Variants in NRP1 observed in about 807,000 individuals in gnomAD.
NRP1 encodes neuropilin-1.
Under a neutral mutation model 106.7 loss-of-function variants are expected in NRP1, and 35 were observed. The observed-to-expected ratio is 0.33, with a 90% CI of 0.25 to 0.43. The LOEUF is 0.43. NRP1 is among the 20% of genes least tolerant of loss of function. The pLI is 1.00. For missense variants in NRP1, 1,024 were observed against 1,170.4 expected (o/e 0.87, Z 1.83); for synonymous variants, 437 against 417.9 (o/e 1.05, Z -0.56).
intron 11 of NRP1, chr10:33,201,856 C>A (rs1044387304): frequency 1.8e-4 from 28 of 152,048 alleles, no homozygotes; most frequent in African/African-American, 6.3e-4. Flanking sequence ...GAGTGCAGAG[C>A]CCTCTCACTC....
chr10:33,295,151 T>A (rs1845295186), intron 2 of NRP1, among the ~76,000 whole-genome samples: 1 of 152,182 alleles, frequency 6.6e-6, no homozygotes, highest in Admixed American at 6.5e-5. Flanking sequence ...ATGTTTGTGT[T>A]GATGATTGAA....
At chr10:33,235,877 T>A (rs1251588803) in intron 6 of NRP1, among the ~76,000 whole-genome samples, 1 of 152,254 alleles carries the variant, frequency 6.6e-6, no homozygotes, top group African/African-American at 2.4e-5. Flanking sequence ...TACGCCGACC[T>A]GTGAAATCTT....
chr10:33,183,272 C>T (rs1835800738), intron 15 of NRP1, among the ~76,000 whole-genome samples: 3 of 151,376 alleles, frequency 2.0e-5, no homozygotes, highest in African/African-American at 4.9e-5. Flanking sequence ...TGCCACTGCA[C>T]TCCACCCTGG....
chr10:33,196,457 G>T (rs983671508), intron 12 of NRP1, among the ~76,000 whole-genome samples: 1 of 152,206 alleles, frequency 6.6e-6, no homozygotes, highest in Non-Finnish European at 1.5e-5. Flanking sequence ...GAAAAGGAAA[G>T]GCACGGCTTT....
Position 33,180,309 on chromosome 10 carries a change from G to C in NRP1, c.2539C>G (p.Pro847Ala), listed in dbSNP as rs568761627. ...GEGDKNISRK[P>A]GNVLKTLDPI... is the part of the protein sequence containing the mutation. Reference sequence around the variant, plus strand: ...TCTAAGGTCTTCAACACATTGCCTGGCTTCCTGGAGATGTTCTTGTCACCT... The same window carrying C: ...TCTAAGGTCTTCAACACATTGCCTGCCTTCCTGGAGATGTTCTTGTCACCT... The change falls in exon 17 of 17, where the codon CCA becomes GCA. Residue 847 changes from proline to alanine, a missense_variant. Coordinates refer to ENST00000374867, the MANE Select transcript of NRP1 (RefSeq NM_003873.7). The C allele has an allele frequency of 9.3e-6, 15 of 1,607,740 alleles. No individual in the cohort carries two copies. Among genetic ancestry groups the C allele is most frequent in the Non-Finnish European group, 1.1e-5 (13 of 1,175,038 alleles).
chr10:33,237,074 A>T (rs555556991), intron 6 of NRP1, among the ~76,000 whole-genome samples: 1 of 152,070 alleles, frequency 6.6e-6, no homozygotes, highest in South Asian at 2.1e-4. Flanking sequence ...GTCTGCTCAC[A>T]CAGCTGCATC....
intron 16 of NRP1, 103 bp downstream of exon 16, chr10:33,182,591 TGAAC>T: frequency 1.3e-6 from 1 of 774,284 alleles, no homozygotes; most frequent in Admixed American, 2.3e-5. Context: ...GTTTTTTATT[TGAAC>T]TTTTTGACAT....
At chr10:33,190,838 T>A (rs2132622177) in intron 13 of NRP1, among the ~76,000 whole-genome samples, 1 of 152,106 alleles carries the variant, frequency 6.6e-6, no homozygotes, top group East Asian at 1.9e-4. Context: ...GGCTGGTTAT[T>A]TCTTTATTTT....
At chr10:33,330,991 A>C in intron 1 of NRP1, 109 bp from the exon 2 acceptor site, 2 of 932,892 alleles carry the variant, frequency 2.1e-6, no homozygotes, top group Non-Finnish European at 3.2e-6. Flanking sequence ...TTTAAGGGGA[A>C]CTCTAAAAGG....
intron 2 of NRP1, among the ~76,000 whole-genome samples, chr10:33,281,414 G>A (rs1844122671): frequency 6.6e-6 from 1 of 152,040 alleles, no homozygotes; most frequent in African/African-American, 2.4e-5. Flanking sequence ...AGAGAAGGTT[G>A]AGGCCATAAG....
At position 33,254,059 on chromosome 10, in the gene NRP1, G is replaced by A; in HGVS notation, c.950C>T (p.Pro317Leu). The A allele has an allele frequency of 6.2e-7, 1 of 1,612,750 alleles. No individual in the cohort carries two copies. ...RLNYPENGWT[P>L]GEDSYREWIQ... ...CCACTCTCGGTAGGAATCCTCTCCG[G>A]GAGTCCACCCATTCTCAGGGTAGTT... Residue 317 changes from proline to leucine, a missense_variant, in exon 6 of 17, where the codon CCC (proline) becomes CTC (leucine). Pro to Leu is a moderately conservative substitution (Grantham distance 98, BLOSUM62 -3). Coordinates refer to ENST00000374867, the MANE Select transcript of NRP1 (RefSeq NM_003873.7).
chr10:33,192,488 A>G, intron 12 of NRP1, 70 bp from the exon 13 acceptor site: 1 of 1,545,388 alleles, frequency 6.5e-7, no homozygotes. Flanking sequence ...AGGGTCACAA[A>G]GGCCCTTGGT....
intron 6 of NRP1, among the ~76,000 whole-genome samples, chr10:33,230,064 C>A (rs1318577626): frequency 6.8e-6 from 1 of 148,092 alleles, no homozygotes; most frequent in Non-Finnish European, 1.5e-5. Context: ...GTACCCAGAA[C>A]TCTAACAACA....
At chr10:33,202,451 G>T in intron 11 of NRP1, 1 of 648,250 alleles carries the variant, frequency 1.5e-6, no homozygotes, top group Non-Finnish European at 2.4e-6. Context: ...TCAAATATAA[G>T]CCTAACTTTA....
chr10:33,185,248 C>T (rs574909198), intron 15 of NRP1, among the ~76,000 whole-genome samples: 1 of 152,104 alleles, frequency 6.6e-6, no homozygotes, highest in Non-Finnish European at 1.5e-5. Context: ...TTTTCAGAGG[C>T]CTGCTGTTTT....
At chr10:33,248,040 C>A (rs1203988616) in intron 6 of NRP1, among the ~76,000 whole-genome samples, 1 of 152,184 alleles carries the variant, frequency 6.6e-6, no homozygotes, top group Non-Finnish European at 1.5e-5. Flanking sequence ...GTAATCCCAG[C>A]ACTTTGGGAG....
chr10:33,205,927 T>C (rs2284942), intron 10 of NRP1: 52,297 of 205,292 alleles, frequency 0.25, 7,621 homozygotes, highest in East Asian at 0.58. Context: ...GGGTTTGTTT[T>C]GGGAAAGAGC....
chr10:33,273,754 A>G (rs1348208596), intron 2 of NRP1, among the ~76,000 whole-genome samples: 1 of 151,658 alleles, frequency 6.6e-6, no homozygotes, highest in Non-Finnish European at 1.5e-5. Context: ...CATAAAAGCT[A>G]GAGGAGGGGT....
At chr10:33,228,340 C>T (rs1007031354) in intron 6 of NRP1, among the ~76,000 whole-genome samples, 1 of 152,028 alleles carries the variant, frequency 6.6e-6, no homozygotes, top group South Asian at 2.1e-4. Context: ...CCACCGCACT[C>T]CAGCCTGGGT....
Sources: gnomAD v4.1 joint callset for allele counts (sites outside exome capture counted in the v4.1 genomes callset) on GRCh38, gnomAD v4.1.1 for gene constraint, MANE v1.5 for transcripts, NCBI Gene and HGNC (gene_info 2026-07-23, HGNC 2026-07-21) for gene names.